The following RALA variants were observed in gnomAD, a reference collection of about 807,000 sequenced individuals.
The protein encoded by RALA is RAS like proto-oncogene A.
A neutral mutation model predicts 24.0 loss-of-function variants in RALA; 5 were observed. That is an observed-to-expected ratio of 0.21 (90% CI 0.11 to 0.44). The LOEUF (loss-of-function observed/expected upper bound fraction) is 0.44, where lower values mean the gene tolerates loss of function less well. Among genes scored for constraint, RALA ranks in the 20% least tolerant of loss-of-function variants. The probability of loss-of-function intolerance (pLI) is 0.99; values close to 1 mark genes in which losing one functional copy is unlikely to be tolerated. For missense variants in RALA, 95 were observed against 241.2 expected, an observed-to-expected ratio of 0.39 and a Z score of 4.01; for synonymous variants, 77 against 83.8, an observed-to-expected ratio of 0.92 and a Z score of 0.44.
chr7:39,633,086 T>C (rs926644222), intron 1 of RALA, among the ~76,000 whole-genome samples: 3 of 152,216 alleles, frequency 2.0e-5, no homozygotes, highest in African/African-American at 7.2e-5. Context: ...CATAGGTCTA[T>C]GAAAATCTAG....
intron 1 of RALA, among the ~76,000 whole-genome samples, chr7:39,633,817 T>C (rs2115922313): frequency 6.6e-6 from 1 of 152,322 alleles, no homozygotes; most frequent in Non-Finnish European, 1.5e-5. Context: ...AAATCAGGTG[T>C]TGGCCCAGCA....
At chr7:39,647,205 G>C (rs531400808) in intron 1 of RALA, among the ~76,000 whole-genome samples, 11 of 152,118 alleles carry the variant, frequency 7.2e-5, no homozygotes, top group African/African-American at 1.4e-4. Flanking sequence ...AGCATGCCCA[G>C]CTGATTTTTG....
At chr7:39,668,854 G>A (rs373028250) in intron 1 of RALA, among the ~76,000 whole-genome samples, 1 of 150,854 alleles carries the variant, frequency 6.6e-6, no homozygotes, top group South Asian at 2.1e-4. Flanking sequence ...AGTGGCTCAC[G>A]CCTGTAATTC....
At chr7:39,658,207 C>T (rs539807589) in intron 1 of RALA, among the ~76,000 whole-genome samples, 2 of 152,284 alleles carry the variant, frequency 1.3e-5, no homozygotes, top group South Asian at 4.1e-4. Context: ...GGTCTTCATC[C>T]TAGACATAAC....
chr7:39,686,843 G>A (rs1295924562), intron 2 of RALA, 62 bp downstream of exon 2: 1 of 1,281,650 alleles, frequency 7.8e-7, no homozygotes, highest in Non-Finnish European at 1.1e-6. Context: ...CCCTAGCTTA[G>A]TTTTGGTGCT....
chr7:39,669,092 G>A (rs867614702), intron 1 of RALA, among the ~76,000 whole-genome samples: 1 of 152,118 alleles, frequency 6.6e-6, no homozygotes, highest in African/African-American at 2.4e-5. Flanking sequence ...CCGGCCTAGC[G>A]ACAGAGCAAG....
intron 1 of RALA, among the ~76,000 whole-genome samples, chr7:39,624,789 A>C (rs531461512): frequency 6.6e-6 from 1 of 152,352 alleles, no homozygotes; most frequent in African/African-American, 2.4e-5. Flanking sequence ...TTTATAAAAC[A>C]TGTATCATAA....
intron 3 of RALA, among the ~76,000 whole-genome samples, chr7:39,691,574 A>G (rs1792818265): frequency 6.6e-6 from 1 of 152,220 alleles, no homozygotes; most frequent in African/African-American, 2.4e-5. Flanking sequence ...CACATAAGGA[A>G]AGAGGGCATT....
At chr7:39,632,146 C>T (rs1791607551) in intron 1 of RALA, among the ~76,000 whole-genome samples, 1 of 152,242 alleles carries the variant, frequency 6.6e-6, no homozygotes, top group African/African-American at 2.4e-5. Context: ...CATCCCCCGA[C>T]TAGGCCCGCC....
chr7:39,686,832 TC>T, intron 2 of RALA, 51 bp downstream of exon 2: 1 of 1,363,144 alleles, frequency 7.3e-7, no homozygotes, highest in Non-Finnish European at 1.0e-6. Flanking sequence ...AGAGAGTATT[TC>T]CCTAGCTTAG....
At chr7:39,657,168 G>A (rs1792113641) in intron 1 of RALA, among the ~76,000 whole-genome samples, 1 of 151,960 alleles carries the variant, frequency 6.6e-6, no homozygotes, top group Admixed American at 6.6e-5. Context: ...GTTTCACCAC[G>A]TTGGCCAGGC....
intron 1 of RALA, among the ~76,000 whole-genome samples, chr7:39,651,579 CT>C (rs1040090838): frequency 2.7e-4 from 40 of 146,424 alleles, no homozygotes; most frequent in Admixed American, 2.7e-4. Flanking sequence ...TTTCACTAAG[CT>C]TTTTTTTTTT....
At chr7:39,627,153 G>GT (rs1466290476) in intron 1 of RALA, among the ~76,000 whole-genome samples, 1 of 151,032 alleles carries the variant, frequency 6.6e-6, no homozygotes, top group Non-Finnish European at 1.5e-5. Context: ...CAGTTATTCT[G>GT]TTTTTTCTTT....
At chr7:39,667,079 T>A (rs1792297524) in intron 1 of RALA, among the ~76,000 whole-genome samples, 1 of 152,220 alleles carries the variant, frequency 6.6e-6, no homozygotes, top group Non-Finnish European at 1.5e-5. Context: ...TCTTGCCCCA[T>A]CTTAAACTTT....
chr7:39,684,212 C>A (rs1026354319), intron 1 of RALA, among the ~76,000 whole-genome samples: 1 of 152,152 alleles, frequency 6.6e-6, no homozygotes, highest in East Asian at 1.9e-4. Flanking sequence ...TTAAATTGAA[C>A]TCTTAGCCTG....
At chr7:39,654,737 A>C (rs138531351) in intron 1 of RALA, among the ~76,000 whole-genome samples, 2 of 152,038 alleles carry the variant, frequency 1.3e-5, no homozygotes, top group African/African-American at 2.4e-5. Flanking sequence ...ATGTGAATCT[A>C]AATTTTTGTT....
chr7:39,696,266 C>T (rs547417318), intron 3 of RALA, among the ~76,000 whole-genome samples: 2 of 152,296 alleles, frequency 1.3e-5, no homozygotes, highest in East Asian at 1.9e-4. Context: ...AAATCTTCCT[C>T]CCAAGAACCA....
intron 1 of RALA, among the ~76,000 whole-genome samples, chr7:39,629,812 G>A (rs1035880453): frequency 6.6e-6 from 1 of 152,142 alleles, no homozygotes; most frequent in African/African-American, 2.4e-5. Context: ...AGCCAGGATG[G>A]TCTCGATCTC....
chr7:39,684,144 C>A (rs1277768708), intron 1 of RALA, among the ~76,000 whole-genome samples: 1 of 152,146 alleles, frequency 6.6e-6, no homozygotes, highest in East Asian at 1.9e-4. Context: ...CACTCACAAT[C>A]TAATGGTCAT....
Sources: gnomAD v4.1 joint callset for allele counts (sites outside exome capture counted in the v4.1 genomes callset) on GRCh38, gnomAD v4.1.1 for gene constraint, MANE v1.5 for transcripts, NCBI Gene and HGNC (gene_info 2026-07-23, HGNC 2026-07-21) for gene names.